Variants in KDR observed in about 807,000 individuals in gnomAD.
KDR encodes the protein kinase insert domain receptor, also known as vascular endothelial growth factor receptor 2.
In KDR, 43 loss-of-function variants were observed where a neutral mutation model predicts 160.9. That is an observed-to-expected ratio of 0.27 (90% CI 0.21 to 0.34). KDR has a LOEUF of 0.34. KDR is among the 10% of genes least tolerant of loss of function. The pLI, the probability that KDR is intolerant of heterozygous loss-of-function variation, is 1.00. For synonymous variants in KDR, 617 were observed against 600.1 expected, an observed-to-expected ratio of 1.03 and a Z score of -0.41; for missense variants, 1,469 against 1,666.4, an observed-to-expected ratio of 0.88 and a Z score of 2.06.
chr4:55,125,193 T>A lies in KDR; in HGVS notation c.67+34A>T, dbSNP rs199873907. 1.0e-4 allele frequency: 165 copies of A among 1,599,944 alleles called. No homozygotes were observed. In the African/African-American group the frequency reaches 1.9e-3, roughly 18 times the overall value. ...AGGTCCTCTCCGCCCTCACCCGACC[T>A]GTCTGCCTTCCTCCTCCAGAGTGGG... On this transcript the variant is annotated intron_variant, in intron 1 of 29. Coordinates refer to ENST00000263923, the MANE Select transcript of KDR (RefSeq NM_002253.4).
At position 55,123,303 on chromosome 4, in the gene KDR, C is replaced by A. The variant is rs555717111; in HGVS notation, c.67+1924G>T. 2.8e-4 allele frequency among the ~76,000 whole-genome samples: 43 copies of A among 152,218 alleles called. No individual in the cohort carries two copies. The East Asian group carries it at 5.0e-3, about 18-fold the overall frequency. ...CACTGCCATCCAAATGAGAAAAAAA[C>A]CATTATTTGGGCACATTCTTGTGAG... On this transcript the variant is annotated intron_variant, in intron 1 of 29. Coordinates refer to ENST00000263923, the MANE Select transcript of KDR (RefSeq NM_002253.4).
At chr4:55,089,350 C>T in intron 25 of KDR, 24 bp downstream of exon 25, 1 of 1,529,362 alleles carries the variant, frequency 6.5e-7, no homozygotes, top group Non-Finnish European at 9.0e-7. Context: ...AAAGAGAACA[C>T]AGGAATACTT....
At chr4:55,089,628 G>GA in intron 24 of KDR, 63 bp downstream of exon 24, 2 of 1,495,240 alleles carry the variant, frequency 1.3e-6, no homozygotes, top group Non-Finnish European at 1.9e-6. Flanking sequence ...TACAGGAGAG[G>GA]AAAAGACAAC....
chr4:55,080,335 T>C (rs1719700538), intron 29 of KDR, among the ~76,000 whole-genome samples, 172 bp from the exon 30 acceptor site: 1 of 152,212 alleles, frequency 6.6e-6, no homozygotes. Context: ...AGGTCTATTT[T>C]CAGGTACTCG....
intron 1 of KDR, among the ~76,000 whole-genome samples, chr4:55,123,948 C>T (rs1720961758): frequency 6.6e-6 from 1 of 152,178 alleles, no homozygotes; most frequent in Non-Finnish European, 1.5e-5. Context: ...AGGAAACACC[C>T]CAGGCTTAAA....
Position 55,095,671 on chromosome 4 carries a change from G to A in KDR, c.2729-6C>T, listed in dbSNP as rs1720134420. The A allele has an allele frequency of 1.2e-6, 2 of 1,610,274 alleles. No individual in the cohort carries two copies. Among genetic ancestry groups the A allele is most frequent in the East Asian group, 2.2e-5 (1 of 44,836 alleles). On this transcript the variant is annotated splice_region_variant and splice_polypyrimidine_tract_variant and intron_variant, in intron 19 of 29. Coordinates refer to ENST00000263923, the MANE Select transcript of KDR (RefSeq NM_002253.4). ...CACAATCACCATGAGTGGCCCTGCAGGCAGCATGTCCAGGAAGGAAAATGG... is the reference window on the plus strand; with the variant it reads ...CACAATCACCATGAGTGGCCCTGCAAGCAGCATGTCCAGGAAGGAAAATGG...
intron 13 of KDR, among the ~76,000 whole-genome samples, chr4:55,103,783 A>C (rs904073378): frequency 6.6e-5 from 10 of 152,116 alleles, no homozygotes; most frequent in Admixed American, 2.0e-4. Flanking sequence ...TAACAGTAAA[A>C]AAAAAACAGA....
At chr4:55,098,386 T>TC in intron 16 of KDR, 114 bp from the exon 17 acceptor site, 3 of 1,300,504 alleles carry the variant, frequency 2.3e-6, no homozygotes, top group Non-Finnish European at 3.3e-6. Flanking sequence ...CCAATAAAAC[T>TC]CATGGAGTTT....
In KDR at chr4:55,098,251, T is replaced by A; in HGVS notation, c.2395A>T (p.Thr799Ser). 1 of 1,613,882 alleles carries A rather than the reference T, an allele frequency of 6.2e-7. No individual in the cohort carries two copies. Among genetic ancestry groups the A allele is most frequent in the Non-Finnish European group, 8.5e-7 (1 of 1,179,844 alleles). The change falls in exon 17 of 30, where the codon ACA becomes TCA. Residue 799 changes from threonine to serine, a missense_variant. Coordinates refer to ENST00000263923, the MANE Select transcript of KDR (RefSeq NM_002253.4). ...TCCATGACGATGGACAAGTAGCCTG[T>A]CTTCAGTTCCCCTCCATTGGCCTGG... ...VKRANGGELKTGYLSIVMDPD... is the reference protein window; with the variant it reads ...VKRANGGELKSGYLSIVMDPD...
intron 21 of KDR, among the ~76,000 whole-genome samples, chr4:55,093,728 G>A (rs1236565687): frequency 6.6e-6 from 1 of 152,172 alleles, no homozygotes; most frequent in Admixed American, 6.5e-5. Context: ...AACAGAGTGG[G>A]TTTCTTCCAC....
intron 18 of KDR, 117 bp downstream of exon 18, chr4:55,097,545 G>A: frequency 2.8e-6 from 2 of 715,786 alleles, no homozygotes; most frequent in Non-Finnish European, 5.0e-6. Flanking sequence ...TATTTAGGCT[G>A]ACTGCATGTG....
At chr4:55,115,136 A>T in intron 4 of KDR, 94 bp from the exon 5 acceptor site, 1 of 1,278,668 alleles carries the variant, frequency 7.8e-7, no homozygotes, top group Non-Finnish European at 1.1e-6. Context: ...TATTTTTAAG[A>T]ATACTAATTA....
chr4:55,098,590 CCCATTGAG>C, intron 16 of KDR, 99 bp downstream of exon 16: 1 of 850,562 alleles, frequency 1.2e-6, no homozygotes, highest in Non-Finnish European at 2.0e-6. Context: ...TAAAAATGTG[CCCATTGAG>C]CCAATAACAA....
chr4:55,089,416 T>G lies in KDR; in HGVS notation c.3362A>C (p.Glu1121Ala). The change falls in exon 25 of 30, where the codon GAA becomes GCA. Residue 1121 changes from glutamate (E) to alanine (A), a missense_variant. Physicochemically the swap from Glu to Ala is moderately radical, Grantham distance 107. Around this residue, in one of 7 missense-constraint regions of KDR, gnomAD observed 132 missense variants for 195.9 expected, o/e 0.67. Coordinates refer to ENST00000263923, the MANE Select transcript of KDR (RefSeq NM_002253.4). ...IDEEFCRRLK[E>A]GTRMRAPDYT... is the part of the protein sequence containing the mutation. Reference sequence around the variant, plus strand: ...ATCAGGGGCCCTCATTCTAGTTCCTTCTTTCAATCGCCTACAAAATTCTTC... The same window carrying G: ...ATCAGGGGCCCTCATTCTAGTTCCTGCTTTCAATCGCCTACAAAATTCTTC... 6.2e-7 allele frequency: 1 copy of G among 1,613,192 alleles called. No individual in the cohort carries two copies. The highest frequency in any genetic ancestry group is 8.5e-7 in the Non-Finnish European group (1 of 1,179,438).
In KDR at chr4:55,082,522, A is replaced by G; in HGVS notation, c.3762+14T>C. The G allele has an allele frequency of 6.5e-7, 1 of 1,540,312 alleles. No homozygotes were observed. The highest frequency in any genetic ancestry group is 1.7e-4 in the Middle Eastern group (1 of 5,924). On this transcript the variant is annotated intron_variant, in intron 28 of 29. Coordinates refer to ENST00000263923, the MANE Select transcript of KDR (RefSeq NM_002253.4). ...TGTATTATTTCTAAGACTATTTTTAAAAGACGTACTTACATCTGGGATTAC... is the reference window on the plus strand; with the variant it reads ...TGTATTATTTCTAAGACTATTTTTAGAAGACGTACTTACATCTGGGATTAC...
chr4:55,117,896 A>T (rs1720773665), intron 3 of KDR, among the ~76,000 whole-genome samples: 1 of 152,226 alleles, frequency 6.6e-6, no homozygotes, highest in African/African-American at 2.4e-5. Context: ...TTTGAAACAC[A>T]AAAGAATGCA....
chr4:55,082,130 A>G (rs1719750706), intron 28 of KDR, 89 bp from the exon 29 acceptor site: 5 of 946,334 alleles, frequency 5.3e-6, no homozygotes, highest in Non-Finnish European at 7.0e-6. Flanking sequence ...CCCATCTATC[A>G]TGTCTATCAA....
intron 7 of KDR, among the ~76,000 whole-genome samples, chr4:55,112,232 A>G (rs1012196363): frequency 3.3e-5 from 5 of 152,098 alleles, no homozygotes; most frequent in Non-Finnish European, 7.4e-5. Flanking sequence ...CCCCTGAGAC[A>G]GCAAAACCAC....
rs754979123 is a variant in KDR, at chr4:55,107,837, C to T, written c.1312G>A (p.Gly438Ser). 11 of 1,613,686 alleles carry T rather than the reference C, an allele frequency of 6.8e-6. No homozygotes were observed. The highest frequency in any genetic ancestry group is 6.7e-5 in the African/African-American group (5 of 74,830). ...GTACATGTCAGCGTTTGAGTGGTGC[C>T]GTACTGGTAGGAATCCACAGGAGAG... ...LISPVDSYQY[G>S]TTQTLTCTVY... Residue 438 changes from glycine to serine, a missense_variant, in exon 10 of 30, where the codon GGC becomes AGC. Physicochemically the swap from Gly to Ser is moderately conservative, Grantham distance 56. Transcript: ENST00000263923.
Sources: gnomAD v4.1 joint callset for allele counts (sites outside exome capture counted in the v4.1 genomes callset) on GRCh38, gnomAD v4.1.1 for gene constraint, gnomAD v4.1.1 regional missense constraint, MANE v1.5 for transcripts, NCBI Gene and HGNC (gene_info 2026-07-23, HGNC 2026-07-21) for gene names.